The following LRMDA variants were observed in gnomAD, a reference collection of about 807,000 sequenced individuals.
LRMDA encodes leucine-rich melanocyte differentiation-associated protein.
Under a neutral mutation model 29.8 loss-of-function variants are expected in LRMDA, and 18 were observed. The observed-to-expected ratio is 0.60, with a 90% CI of 0.42 to 0.90. The LOEUF is 0.90. LRMDA is among the 40% of genes least tolerant of loss of function. LRMDA has a pLI of 0.00. For missense variants in LRMDA, 273 were observed against 273.9 expected (o/e 1.00, Z 0.02); for synonymous variants, 125 against 109.4 (o/e 1.14, Z -0.89).
chr10:76,136,622 A>AAAGC lies in LRMDA; in HGVS notation c.516+77840_516+77841insAGCA, dbSNP rs139686120. Among the ~76,000 whole-genome samples the AAAGC allele has an allele frequency of 6.5e-3, 983 of 151,806 alleles. 9 individuals carry two copies. The highest frequency in any genetic ancestry group is 7.1e-3 in the Admixed American group (108 of 15,246). Reference sequence around the variant, plus strand: ...TGAACTTTTAAACATATTAAAAAAAAAGCAAAAATGACTATATTTGATAAA... The same window carrying AAAGC: ...TGAACTTTTAAACATATTAAAAAAAAAAGCAGCAAAAATGACTATATTTGATAAA... On this transcript the variant is annotated intron_variant, in intron 5 of 6. Transcript: ENST00000611255.
At chr10:75,946,249 C>T (rs185978237) in intron 2 of LRMDA, among the ~76,000 whole-genome samples, 6 of 152,332 alleles carry the variant, frequency 3.9e-5, no homozygotes, top group Admixed American at 2.6e-4. Flanking sequence ...TAGCTCTCTT[C>T]CAGTCATTCT....
intron 2 of LRMDA, among the ~76,000 whole-genome samples, chr10:75,465,858 C>A (rs572411764): frequency 6.6e-6 from 1 of 152,274 alleles, no homozygotes; most frequent in African/African-American, 2.4e-5. Flanking sequence ...GTTTTAGCGT[C>A]CAATCTTGCT....
intron 6 of LRMDA, among the ~76,000 whole-genome samples, chr10:76,420,455 A>G (rs1842061225): frequency 6.6e-6 from 1 of 151,862 alleles, no homozygotes; most frequent in Admixed American, 6.6e-5. Context: ...TCCTACCCCC[A>G]TCCCAGAAAT....
chr10:76,376,654 T>C (rs1327389310), intron 6 of LRMDA, among the ~76,000 whole-genome samples: 1 of 152,144 alleles, frequency 6.6e-6, no homozygotes, highest in Non-Finnish European at 1.5e-5. Flanking sequence ...CTATTTTCCA[T>C]AAAGGTTGTA....
chr10:75,901,805 G>A (rs1229725347), intron 2 of LRMDA, among the ~76,000 whole-genome samples: 2 of 152,160 alleles, frequency 1.3e-5, no homozygotes, highest in East Asian at 3.8e-4. Context: ...GACTGCTGGA[G>A]TTTCCTTTTT....
intron 2 of LRMDA, among the ~76,000 whole-genome samples, chr10:75,603,753 A>G (rs1840917874): frequency 1.3e-5 from 2 of 152,234 alleles, no homozygotes; most frequent in South Asian, 4.1e-4. Context: ...ATGAAGAATC[A>G]TGCCTGGTCA....
chr10:75,538,883 CATTCTACAGTACTGA>C (rs756250952), intron 2 of LRMDA, among the ~76,000 whole-genome samples: 1 of 152,180 alleles, frequency 6.6e-6, no homozygotes, highest in Non-Finnish European at 1.5e-5. Flanking sequence ...GTGATATTCA[CATTCTACAGTACTGA>C]ATGCCAAATT....
chr10:76,039,653 G>A (rs1443430810), intron 3 of LRMDA, among the ~76,000 whole-genome samples: 1 of 152,184 alleles, frequency 6.6e-6, no homozygotes, highest in Non-Finnish European at 1.5e-5. Flanking sequence ...AGGCTCTGAA[G>A]GCAGACTTCC....
chr10:76,276,043 ATCTATCTATCTCTTTCTTTCTC>A (rs1229618376), intron 5 of LRMDA, among the ~76,000 whole-genome samples: 2 of 146,800 alleles, frequency 1.4e-5, no homozygotes, highest in African/African-American at 5.3e-5. Context: ...CTATCTATCT[ATCTATCTATCTCTTTCTTTCTC>A]TCTTTCTTTC....
chr10:75,685,289 T>G (rs1465657911), intron 2 of LRMDA, among the ~76,000 whole-genome samples: 2 of 151,894 alleles, frequency 1.3e-5, no homozygotes, highest in Admixed American at 6.6e-5. Context: ...GGAGAGACAT[T>G]TGTTCTCCTT....
At chr10:76,188,877 A>C (rs890121976) in intron 5 of LRMDA, among the ~76,000 whole-genome samples, 1 of 151,802 alleles carries the variant, frequency 6.6e-6, no homozygotes. Flanking sequence ...TCAGTTCTTC[A>C]TACCCTTTGT....
At chr10:75,455,160 G>A (rs760837741) in intron 2 of LRMDA, among the ~76,000 whole-genome samples, 1 of 152,150 alleles carries the variant, frequency 6.6e-6, no homozygotes, top group African/African-American at 2.4e-5. Flanking sequence ...TACAGGCATG[G>A]CAATAGACTA....
chr10:75,558,805 G>A (rs1840251843), intron 2 of LRMDA, among the ~76,000 whole-genome samples: 1 of 145,950 alleles, frequency 6.9e-6, no homozygotes. Context: ...CCTTGCGATA[G>A]TTTACTGAGA....
chr10:75,904,536 T>C (rs538704042), intron 2 of LRMDA, among the ~76,000 whole-genome samples: 53 of 152,324 alleles, frequency 3.5e-4, no homozygotes, highest in Admixed American at 3.0e-3. Context: ...ATCAATCCAC[T>C]GAGCCCTGTA....
chr10:76,190,437 A>G (rs1179453885), intron 5 of LRMDA, among the ~76,000 whole-genome samples: 1 of 152,182 alleles, frequency 6.6e-6, no homozygotes, highest in Non-Finnish European at 1.5e-5. Flanking sequence ...AACCTTTTTC[A>G]AGGTTTACAT....
intron 6 of LRMDA, among the ~76,000 whole-genome samples, chr10:76,364,370 A>G (rs1250327329): frequency 6.6e-6 from 1 of 152,222 alleles, no homozygotes; most frequent in African/African-American, 2.4e-5. Context: ...TTTACTTGAC[A>G]TAAATTAGAG....
intron 2 of LRMDA, among the ~76,000 whole-genome samples, chr10:75,767,160 G>T (rs113886073): frequency 6.6e-6 from 1 of 152,130 alleles, no homozygotes; most frequent in Non-Finnish European, 1.5e-5. Context: ...TATATACCCA[G>T]CAATGGGATT....
intron 6 of LRMDA, among the ~76,000 whole-genome samples, chr10:76,490,678 G>A (rs1390351569): frequency 6.6e-6 from 1 of 151,658 alleles, no homozygotes; most frequent in African/African-American, 2.4e-5. Context: ...GTCTTTATAG[G>A]TGAAGTGTAT....
At chr10:75,692,159 G>A (rs955244754) in intron 2 of LRMDA, among the ~76,000 whole-genome samples, 7 of 147,948 alleles carry the variant, frequency 4.7e-5, no homozygotes, top group African/African-American at 1.8e-4. Flanking sequence ...ATATGATTGT[G>A]CCACTGTACT....
Sources: allele counts gnomAD v4.1 joint callset (sites outside exome capture counted in the v4.1 genomes callset), GRCh38; gene constraint gnomAD v4.1.1; transcripts MANE v1.5; gene names NCBI Gene and HGNC (gene_info 2026-07-23, HGNC 2026-07-21).